INPP4B: variants seen among roughly 807,000 people sequenced by gnomAD.
INPP4B encodes the protein inositol polyphosphate 4-phosphatase type II.
Under a neutral mutation model 122.5 loss-of-function variants are expected in INPP4B, and 55 were observed. That is an observed-to-expected ratio of 0.45 (90% confidence interval 0.36 to 0.56). INPP4B has a LOEUF of 0.56. Ranked by LOEUF, INPP4B falls within the 20% of genes least tolerant of loss-of-function variation. INPP4B has a pLI of 0.00. For synonymous variants in INPP4B, 403 were observed against 388.7 expected (o/e 1.04, Z -0.43); for missense variants, 1,000 against 1,097.7 (o/e 0.91, Z 1.26).
intron 18 of INPP4B, among the ~76,000 whole-genome samples, chr4:142,129,969 T>G (rs3775656): frequency 2.0e-5 from 3 of 151,918 alleles, no homozygotes; most frequent in Non-Finnish European, 2.9e-5. Flanking sequence ...GAGCTAAAAT[T>G]GAGAAGGAAA....
At chr4:142,556,849 A>G (rs183725926) in intron 2 of INPP4B, among the ~76,000 whole-genome samples, 1 of 152,288 alleles carries the variant, frequency 6.6e-6, no homozygotes, top group Admixed American at 6.5e-5. Flanking sequence ...TGCAGTTTTT[A>G]TCATCTAAGC....
intron 2 of INPP4B, among the ~76,000 whole-genome samples, chr4:142,539,375 A>G (rs1828667952): frequency 6.6e-6 from 1 of 152,110 alleles, no homozygotes; most frequent in Admixed American, 6.6e-5. Flanking sequence ...CAACCCATCA[A>G]TTAGGTTAAT....
intron 25 of INPP4B, among the ~76,000 whole-genome samples, chr4:142,064,126 G>T (rs1762352060): frequency 6.6e-6 from 1 of 152,074 alleles, no homozygotes; most frequent in Non-Finnish European, 1.5e-5. Flanking sequence ...CAACCTTCAA[G>T]ACTAAATCCT....
chr4:142,095,563 T>C lies in INPP4B; in HGVS notation c.2375-9307A>G, dbSNP rs150778371. 5.4e-3 allele frequency among the ~76,000 whole-genome samples: 829 copies of C among 152,284 alleles called. 6 individuals carry two copies. Among genetic ancestry groups the C allele is most frequent in the Non-Finnish European group, 9.5e-3 (646 of 67,996 alleles). ...AATATTTTCAGTATCCATCTTACTT[T>C]GCAGTGTCAGACCAGAGAACTTATC... On this transcript the variant is annotated intron_variant, in intron 23 of 25. Coordinates refer to ENST00000262992, the MANE Select transcript of INPP4B (RefSeq NM_001101669.3).
At chr4:142,052,790 A>G (rs1755385889) in intron 25 of INPP4B, among the ~76,000 whole-genome samples, 1 of 152,024 alleles carries the variant, frequency 6.6e-6, no homozygotes, top group Admixed American at 6.6e-5. Flanking sequence ...CTAAAATGGT[A>G]TTTGGGACAA....
At chr4:142,307,762 C>T (rs954219572) in intron 8 of INPP4B, among the ~76,000 whole-genome samples, 1 of 152,164 alleles carries the variant, frequency 6.6e-6, no homozygotes, top group Non-Finnish European at 1.5e-5. Flanking sequence ...ATTATTCACA[C>T]TCAAAGAAAA....
intron 2 of INPP4B, among the ~76,000 whole-genome samples, chr4:142,651,889 T>C (rs1753043661): frequency 6.6e-6 from 1 of 152,202 alleles, no homozygotes; most frequent in South Asian, 2.1e-4. Context: ...AGCATCATCC[T>C]GATACCAAAG....
chr4:142,589,061 A>AT (rs1231508210), intron 2 of INPP4B, among the ~76,000 whole-genome samples: 3 of 151,968 alleles, frequency 2.0e-5, no homozygotes, highest in Admixed American at 6.6e-5. Context: ...TAGCCAGTTG[A>AT]TTTTTTTCCA....
intron 11 of INPP4B, among the ~76,000 whole-genome samples, chr4:142,254,531 CA>C (rs1734546367): frequency 6.6e-6 from 1 of 152,030 alleles, no homozygotes; most frequent in Non-Finnish European, 1.5e-5. Context: ...AGCTGAAAGC[CA>C]AGGCTCGAGA....
intron 1 of INPP4B, among the ~76,000 whole-genome samples, chr4:142,782,566 C>T (rs1775037116): frequency 1.3e-5 from 2 of 151,610 alleles, no homozygotes; most frequent in South Asian, 2.1e-4. Flanking sequence ...ACACTGACTT[C>T]CACAATGGTT....
chr4:142,751,952 T>C (rs1769796316), intron 1 of INPP4B, among the ~76,000 whole-genome samples: 1 of 152,100 alleles, frequency 6.6e-6, no homozygotes, highest in Admixed American at 6.6e-5. Flanking sequence ...AAGCATATCA[T>C]ATCTTGTATA....
chr4:142,774,869 A>G (rs1773615748), intron 1 of INPP4B, among the ~76,000 whole-genome samples: 1 of 152,056 alleles, frequency 6.6e-6, no homozygotes, highest in African/African-American at 2.4e-5. Flanking sequence ...CTATATTGAT[A>G]TAATATATTA....
At chr4:142,033,444 G>GA (rs1336890842) in intron 25 of INPP4B, among the ~76,000 whole-genome samples, 1 of 152,082 alleles carries the variant, frequency 6.6e-6, no homozygotes, top group Non-Finnish European at 1.5e-5. Context: ...CAATGTAGGG[G>GA]AAAAAAGCAG....
chr4:142,186,174 T>G (rs962709721), intron 15 of INPP4B, among the ~76,000 whole-genome samples: 6 of 152,204 alleles, frequency 3.9e-5, no homozygotes, highest in African/African-American at 1.4e-4. Flanking sequence ...TGTGGAAATA[T>G]ATCCTTTCTA....
At chr4:142,448,329 C>CAAA (rs71586289) in intron 3 of INPP4B, among the ~76,000 whole-genome samples, 914 of 61,338 alleles carry the variant, frequency 0.015, 17 homozygotes, top group African/African-American at 0.033. Flanking sequence ...TATCCATCTC[C>CAAA]AAAAAAAAAA....
intron 1 of INPP4B, among the ~76,000 whole-genome samples, chr4:142,726,876 T>C (rs1396087443): frequency 2.6e-5 from 4 of 152,148 alleles, no homozygotes; most frequent in African/African-American, 9.7e-5. Flanking sequence ...CCCATGGAGG[T>C]GATAATTGAG....
chr4:142,048,793 T>C (rs1752947048), intron 25 of INPP4B, among the ~76,000 whole-genome samples: 1 of 151,962 alleles, frequency 6.6e-6, no homozygotes, highest in Non-Finnish European at 1.5e-5. Flanking sequence ...AGCTTGAAAA[T>C]ACTGTGCATG....
At chr4:142,543,185 A>T (rs1829139524) in intron 2 of INPP4B, among the ~76,000 whole-genome samples, 1 of 152,170 alleles carries the variant, frequency 6.6e-6, no homozygotes, top group South Asian at 2.1e-4. Context: ...ATTAATCCCA[A>T]GAGAAATCAT....
chr4:142,226,098 T>C (rs16998523), intron 12 of INPP4B, among the ~76,000 whole-genome samples: 3,572 of 152,268 alleles, frequency 0.023, 150 homozygotes, highest in African/African-American at 0.079. Context: ...ATAAACAAAA[T>C]ATATGGCAAC....
Sources: allele counts gnomAD v4.1 joint callset (sites outside exome capture counted in the v4.1 genomes callset), GRCh38; gene constraint gnomAD v4.1.1; transcripts MANE v1.5; gene names NCBI Gene and HGNC (gene_info 2026-07-23, HGNC 2026-07-21).